Variants in CCL14 observed in about 807,000 individuals in gnomAD.
CCL14 encodes the protein C-C motif chemokine 14.
A neutral mutation model predicts 8.2 loss-of-function variants in CCL14; 8 were observed. That is an observed-to-expected ratio of 0.98 (90% CI 0.57 to 1.76). CCL14 has a LOEUF of 1.76. Among genes scored for constraint, CCL14 ranks in the 40% most tolerant of loss-of-function variants. The probability of loss-of-function intolerance (pLI) is 0.00; values close to 1 mark genes in which losing one functional copy is unlikely to be tolerated. For missense variants in CCL14, 127 were observed against 118.3 expected, an observed-to-expected ratio of 1.07 and a Z score of -0.34; for synonymous variants, 50 against 43.2, an observed-to-expected ratio of 1.16 and a Z score of -0.62.
rs2089704395 is a variant in CCL14 at position 35,983,378 on chromosome 17, A to AGAT, written c.*420_*422dup. On this transcript the variant is annotated 3_prime_UTR_variant, in exon 3 of 3. Coordinates refer to ENST00000618404, the MANE Select transcript of CCL14 (RefSeq NM_032963.4). ...TTACACTTGTCATGAAGCTTAAATA[A>AGAT]GATAATGCATACAGACTGCCTAGCA... 1 of 166,352 alleles carries AGAT rather than the reference A, an allele frequency of 6.0e-6. No homozygotes were observed. The highest frequency in any genetic ancestry group is 1.3e-5 in the Non-Finnish European group (1 of 77,150). The allele number at this position is 166,352 out of a possible 1,614,324, so 10.3% of individuals were successfully genotyped here.
rs749195974 is a variant in CCL14, at chr17:35,983,875, T to G, written c.208A>C (p.Arg70=). The G allele has an allele frequency of 6.2e-7, 1 of 1,613,390 alleles. No homozygotes were observed. The highest frequency in any genetic ancestry group is 1.1e-5 in the South Asian group (1 of 91,066). The change falls in exon 3 of 3, where the codon AGG becomes CGG. Residue 70 remains arginine (R), a synonymous_variant. Coordinates refer to ENST00000618404, the MANE Select transcript of CCL14 (RefSeq NM_032963.4). ...GGGTTGGTACAGACGGAATGGCCCC[T>G]TTTGGTGATGAAGCTGTGGAGCAAG... ...SKPGIVFITK[R]GHSVCTNPSD... is the part of the protein sequence containing the mutation.
At chr17:35,984,691 G>C (rs1488309303) in intron 1 of CCL14, 9 of 574,946 alleles carry the variant, frequency 1.6e-5, no homozygotes, top group Non-Finnish European at 2.8e-5. Context: ...ACCCCTCTTG[G>C]AAAGACTGGT....
At position 35,986,646 on chromosome 17, in the gene CCL14, T is replaced by G. The variant is rs2089777822; in HGVS notation, c.4A>C (p.Lys2Gln). The G allele has an allele frequency of 1.9e-6, 3 of 1,613,590 alleles. No individual in the cohort carries two copies. In the Middle Eastern group the frequency reaches 5.0e-4, roughly 270 times the overall value. The change falls in exon 1 of 3, where the codon AAG (lysine) becomes CAG (glutamine). Residue 2 changes from lysine to glutamine, a missense_variant. By Grantham distance (53) the Lys-to-Gln change is moderately conservative. Coordinates refer to ENST00000618404, the MANE Select transcript of CCL14 (RefSeq NM_032963.4). Reference sequence around the variant, plus strand: ...AAGGGAATGGCAGCCACGGAGATCTTCATGCTGTGGGAAGCTGTTGTGGGA... The same window carrying G: ...AAGGGAATGGCAGCCACGGAGATCTGCATGCTGTGGGAAGCTGTTGTGGGA... M[K>Q]ISVAAIPFFL... is the part of the protein sequence containing the mutation.
rs1156743991 is a variant in CCL14 at position 35,986,579 on chromosome 17, G to T, written c.71C>A (p.Ser24Tyr). Residue 24 changes from serine (S) to tyrosine (Y), a missense_variant, in exon 1 of 3, where the codon TCC (serine) becomes TAC (tyrosine). By Grantham distance (144) the Ser-to-Tyr change is moderately radical. Coordinates refer to ENST00000618404, the MANE Select transcript of CCL14 (RefSeq NM_032963.4). Reference protein sequence around the residue: ...ITIALGTKTESSSRGPYHPSE... With the variant: ...ITIALGTKTEYSSRGPYHPSE... ...CAAGGCATTGCACTCACGTGAGGAG[G>T]ATTCAGTCTTGGTCCCTAGGGCGAT... 4.3e-6 allele frequency: 7 copies of T among 1,612,904 alleles called. No individual in the cohort carries two copies. Among genetic ancestry groups the T allele is most frequent in the Non-Finnish European group, 5.9e-6 (7 of 1,179,060 alleles).
At chr17:35,984,298 G>A (rs775132854) in intron 2 of CCL14, 40 bp downstream of exon 2, 7 of 1,441,484 alleles carry the variant, frequency 4.9e-6, no homozygotes, top group Non-Finnish European at 6.8e-6. Context: ...GGCCCTGCTG[G>A]CTCCCTCTCC....
rs113264703 is a variant in CCL14 at position 35,984,453 on chromosome 17, C to T, written c.80-1G>A. On this transcript the variant is annotated splice_acceptor_variant, in intron 1 of 2. Coordinates refer to ENST00000618404, the MANE Select transcript of CCL14 (RefSeq NM_032963.4). LOFTEE classifies it high-confidence loss of function. ...CACTCTGAGGGGTGGTAAGGTCCCC[C>T]TGAGGAGAGAGCATCAGATGCTGAG... 1.2e-6 allele frequency: 2 copies of T among 1,606,444 alleles called. No homozygotes were observed. The highest frequency in any genetic ancestry group is 4.5e-5 in the East Asian group (2 of 44,846).
chr17:35,986,665 T>C lies in CCL14; in HGVS notation c.-16A>G, dbSNP rs368096078. The C allele has an allele frequency of 1.9e-6, 3 of 1,608,904 alleles. No individual in the cohort carries two copies. Among genetic ancestry groups the C allele is most frequent in the Non-Finnish European group, 2.6e-6 (3 of 1,175,628 alleles). On this transcript the variant is annotated 5_prime_UTR_variant, in exon 1 of 3. Transcript: ENST00000618404. ...AGATCTTCATGCTGTGGGAAGCTGT[T>C]GTGGGAGGAGAGCTGGCCTGGTGGG...
In CCL14 at chr17:35,986,578, G is replaced by A. The variant is rs770986117; in HGVS notation, c.72C>T (p.Ser24=). Residue 24 remains serine (S), a synonymous_variant, in exon 1 of 3, where the codon TCC becomes TCT. Transcript: ENST00000618404. ...ITIALGTKTE[S]SSRGPYHPSE... Reference sequence around the variant, plus strand: ...ACAAGGCATTGCACTCACGTGAGGAGGATTCAGTCTTGGTCCCTAGGGCGA... The same window carrying A: ...ACAAGGCATTGCACTCACGTGAGGAAGATTCAGTCTTGGTCCCTAGGGCGA... 1.2e-6 allele frequency: 2 copies of A among 1,613,082 alleles called. No individual in the cohort carries two copies. The highest frequency in any genetic ancestry group is 1.7e-5 in the Admixed American group (1 of 60,018).
chr17:35,983,572 G>T lies in CCL14; in HGVS notation c.*229C>A, dbSNP rs1016340032. Reference sequence around the variant, plus strand: ...GGCTCCAGCAAAACTTCTGCAGAGCGAGGCTTGATGCCGAGGGTGCCACAC... The same window carrying T: ...GGCTCCAGCAAAACTTCTGCAGAGCTAGGCTTGATGCCGAGGGTGCCACAC... On this transcript the variant is annotated 3_prime_UTR_variant, in exon 3 of 3. Transcript: ENST00000618404. 2 of 464,918 alleles carry T rather than the reference G, an allele frequency of 4.3e-6. No homozygotes were observed. Among genetic ancestry groups the T allele is most frequent in the Non-Finnish European group, 7.6e-6 (2 of 262,030 alleles). The allele number at this position is 464,918 out of a possible 1,614,324, so 28.8% of individuals were successfully genotyped here.
At chr17:35,986,111 A>C in intron 1 of CCL14, 2 of 418,140 alleles carry the variant, frequency 4.8e-6, no homozygotes, top group East Asian at 4.5e-5. Context: ...AGAGAGAGAA[A>C]TTGAGGGAGT....
chr17:35,984,187 A>G, intron 2 of CCL14, 151 bp downstream of exon 2: 1 of 646,798 alleles, frequency 1.5e-6, no homozygotes, highest in Non-Finnish European at 2.8e-6. Context: ...CCAGCCAGAA[A>G]GCGCTCAGAT....
chr17:35,986,377 C>T lies in CCL14; in HGVS notation c.79+194G>A. On this transcript the variant is annotated intron_variant, in intron 1 of 2. Coordinates refer to ENST00000618404, the MANE Select transcript of CCL14 (RefSeq NM_032963.4). Reference sequence around the variant, plus strand: ...TAAGTCTCATCTCCATCCTGCTCACCACACCATGGGGTGAAGTGCTGTGGT... The same window carrying T: ...TAAGTCTCATCTCCATCCTGCTCACTACACCATGGGGTGAAGTGCTGTGGT... The T allele has an allele frequency of 5.1e-6, 3 of 593,146 alleles. No individual in the cohort carries two copies. The South Asian group carries it at 6.6e-5, about 13-fold the overall frequency. The allele number at this position is 593,146 out of a possible 1,614,324, so 36.7% of individuals were successfully genotyped here. A position where few individuals can be genotyped will look rare whatever the true frequency, so the allele number is the denominator to read the frequency against.
intron 1 of CCL14, chr17:35,986,142 C>T (rs2089763906): frequency 7.7e-6 from 3 of 391,496 alleles, no homozygotes; most frequent in Non-Finnish European, 1.4e-5. Context: ...GCTGGTCTCA[C>T]TCCATGTCCT....
At chr17:35,985,280 TG>T (rs1472586081) in intron 1 of CCL14, 1 of 161,678 alleles carries the variant, frequency 6.2e-6, no homozygotes, top group Non-Finnish European at 1.3e-5. Context: ...AAAGGTTTTG[TG>T]GTCTAAAAAG....
Position 35,983,519 on chromosome 17 carries a change from T to C in CCL14, c.*282A>G. 1 of 428,512 alleles carries C rather than the reference T, an allele frequency of 2.3e-6. No homozygotes were observed. Among genetic ancestry groups the C allele is most frequent in the Non-Finnish European group, 4.2e-6 (1 of 239,076 alleles). 26.5% of individuals were successfully genotyped at this position (428,512 alleles called of 1,614,324 possible). A position where few individuals can be genotyped will look rare whatever the true frequency, so the allele number is the denominator to read the frequency against. On this transcript the variant is annotated 3_prime_UTR_variant, in exon 3 of 3. Transcript: ENST00000618404. The stretch of plus-strand genomic sequence containing the variant: ...CACTTTCTGCTTCTCACTACCTGCA[T>C]TGCAGGCCTGACCTATTTTTTGTAC...
chr17:35,984,757 T>C (rs951434888), intron 1 of CCL14: 3 of 496,398 alleles, frequency 6.0e-6, no homozygotes, highest in African/African-American at 5.8e-5. Context: ...TCTTACACCA[T>C]CTCTGGGGGC....
intron 1 of CCL14, chr17:35,986,281 C>T (rs2089767575): frequency 2.3e-6 from 1 of 442,180 alleles, no homozygotes; most frequent in Non-Finnish European, 4.0e-6. Flanking sequence ...AGCCTGGAGT[C>T]TCCCAAGTCA....
Position 35,984,446 on chromosome 17 carries a change from G to C in CCL14, c.86C>G (p.Pro29Arg). The change falls in exon 2 of 3, where the codon CCT (proline) becomes CGT (arginine). Residue 29 changes from proline (P) to arginine (R), a missense_variant. By Grantham distance (103) the Pro-to-Arg change is moderately radical (BLOSUM62 -2). Coordinates refer to ENST00000618404, the MANE Select transcript of CCL14 (RefSeq NM_032963.4). ...GTKTESSSRG[P>R]YHPSECCFTY... ...GAAGCAGCACTCTGAGGGGTGGTAA[G>C]GTCCCCCTGAGGAGAGAGCATCAGA... 1.2e-6 allele frequency: 2 copies of C among 1,610,240 alleles called. No homozygotes were observed. The highest frequency in any genetic ancestry group is 8.5e-7 in the Non-Finnish European group (1 of 1,177,618).
At chr17:35,984,561 C>T (rs773777488) in intron 1 of CCL14, 109 bp from the exon 2 acceptor site, 16 of 718,690 alleles carry the variant, frequency 2.2e-5, no homozygotes, top group Middle Eastern at 3.7e-4. Context: ...AGGAGACAGC[C>T]CCTCAGAACT....
Sources: allele counts gnomAD v4.1 joint callset, GRCh38; gene constraint gnomAD v4.1.1; transcripts MANE v1.5; gene names NCBI Gene and HGNC (gene_info 2026-07-23, HGNC 2026-07-21).